The following JMJD1C variants were observed in gnomAD, a reference collection of about 807,000 sequenced individuals.
The protein encoded by JMJD1C is jumonji domain-containing protein 1C.
A neutral mutation model predicts 245.3 loss-of-function variants in JMJD1C; 31 were observed. The ratio of observed to expected loss-of-function variants is 0.13; its 90% CI spans 0.09 to 0.17. The LOEUF (loss-of-function observed/expected upper bound fraction) is 0.17. JMJD1C is among the 10% of genes least tolerant of loss of function. The pLI is 1.00. For synonymous variants in JMJD1C, 1,057 were observed against 1,017.4 expected, an observed-to-expected ratio of 1.04 and a Z score of -0.74; for missense variants, 2,691 against 3,000.2, an observed-to-expected ratio of 0.90 and a Z score of 2.41.
chr10:63,242,075 T>C (rs1292889265), intron 3 of JMJD1C, among the ~76,000 whole-genome samples: 2 of 152,142 alleles, frequency 1.3e-5, no homozygotes, highest in Non-Finnish European at 2.9e-5. Context: ...AGTAAAGTAG[T>C]GATAATTTGG....
intron 3 of JMJD1C, chr10:63,222,115 T>C: frequency 1.5e-6 from 1 of 647,638 alleles, no homozygotes; most frequent in Admixed American, 2.2e-5. Context: ...AAAACTTCCT[T>C]ACATAGCACT....
chr10:63,342,653 G>GTGAACACATTA (rs1339682002), intron 2 of JMJD1C, among the ~76,000 whole-genome samples: 20 of 152,316 alleles, frequency 1.3e-4, no homozygotes, highest in African/African-American at 4.8e-4. Context: ...ATTAGTTACA[G>GTGAACACATTA]TGAACACATT....
At chr10:63,283,822 T>C (rs73292316) in intron 2 of JMJD1C, among the ~76,000 whole-genome samples, 2,822 of 152,082 alleles carry the variant, frequency 0.019, 92 homozygotes, top group African/African-American at 0.065. Context: ...ACTTAAAAAG[T>C]TACATAATTC....
At chr10:63,434,491 T>C (rs1041462856) in intron 1 of JMJD1C, among the ~76,000 whole-genome samples, 2 of 152,032 alleles carry the variant, frequency 1.3e-5, no homozygotes, top group South Asian at 2.1e-4. Flanking sequence ...AGGCTAAGAC[T>C]CTGGAGTTCT....
At chr10:63,357,781 CAGAT>C (rs1159099523) in intron 2 of JMJD1C, among the ~76,000 whole-genome samples, 2 of 151,316 alleles carry the variant, frequency 1.3e-5, no homozygotes, top group Admixed American at 6.6e-5. Context: ...TCTCCCAACA[CAGAT>C]AGGATGCTGT....
chr10:63,320,073 T>C lies in JMJD1C; in HGVS notation c.334-55309A>G, dbSNP rs537550884. On this transcript the variant is annotated intron_variant, in intron 2 of 25. Coordinates refer to ENST00000399262, the MANE Select transcript of JMJD1C (RefSeq NM_032776.3). ...TAGCCACCATGCCTGACTCAACTAA[T>C]TGTTATATTTTTAGTAGAGATGGTG... 3.9e-5 allele frequency among the ~76,000 whole-genome samples: 6 copies of C among 152,256 alleles called. No homozygotes were observed. The South Asian group carries it at 1.0e-3, about 26-fold the overall frequency.
At chr10:63,446,703 A>G (rs1271391179) in intron 1 of JMJD1C, among the ~76,000 whole-genome samples, 1 of 152,222 alleles carries the variant, frequency 6.6e-6, no homozygotes, top group African/African-American at 2.4e-5. Context: ...ACCATATTAA[A>G]TGCTGCTGAT....
rs560943041 is a variant in JMJD1C, at chr10:63,355,811, G to A, written c.333+24507C>T. Reference sequence around the variant, plus strand: ...GATCATATACAATAATGAGATGGGCGCCCAGTGAGAAAGCAAGCAGGTCCA... The same window carrying A: ...GATCATATACAATAATGAGATGGGCACCCAGTGAGAAAGCAAGCAGGTCCA... On this transcript the variant is annotated intron_variant, in intron 2 of 25. Coordinates refer to ENST00000399262, the MANE Select transcript of JMJD1C (RefSeq NM_032776.3). Among the ~76,000 whole-genome samples, 139 of 151,752 alleles carry A rather than the reference G, an allele frequency of 9.2e-4. 1 individual carries two copies. The highest frequency in any genetic ancestry group is 1.4e-3 in the Non-Finnish European group (95 of 67,956).
chr10:63,418,793 T>C (rs1012127025), intron 1 of JMJD1C, among the ~76,000 whole-genome samples: 2 of 152,024 alleles, frequency 1.3e-5, no homozygotes, highest in Non-Finnish European at 2.9e-5. Flanking sequence ...AAAATCTAGA[T>C]AAGGGGCCTG....
chr10:63,437,877 G>C (rs1951145809), intron 1 of JMJD1C, among the ~76,000 whole-genome samples: 1 of 152,128 alleles, frequency 6.6e-6, no homozygotes, highest in Admixed American at 6.5e-5. Context: ...TTTCCACTAA[G>C]CTTTCTGAAC....
At chr10:63,516,189 G>C (rs1406627671) in intron 1 of JMJD1C, among the ~76,000 whole-genome samples, 2 of 142,730 alleles carry the variant, frequency 1.4e-5, no homozygotes, top group Non-Finnish European at 3.0e-5. Flanking sequence ...CTTTATCTTA[G>C]ACTAAATATC....
intron 2 of JMJD1C, among the ~76,000 whole-genome samples, chr10:63,280,583 A>G (rs1014697638): frequency 2.0e-5 from 3 of 152,120 alleles, no homozygotes; most frequent in African/African-American, 4.8e-5. Context: ...AAATTTGTCA[A>G]GTCGTCACTA....
intron 2 of JMJD1C, chr10:63,269,201 G>A: frequency 3.0e-6 from 3 of 985,410 alleles, no homozygotes; most frequent in Non-Finnish European, 3.6e-6. Context: ...TTCCAACAGT[G>A]CAGACACCCA....
chr10:63,340,199 A>T (rs1012040463), intron 2 of JMJD1C, among the ~76,000 whole-genome samples: 4 of 152,350 alleles, frequency 2.6e-5, no homozygotes, highest in South Asian at 2.1e-4. Context: ...GACAAAATGC[A>T]GGCATACAAA....
chr10:63,463,166 A>AT (rs1167248367), intron 1 of JMJD1C, among the ~76,000 whole-genome samples: 1 of 151,834 alleles, frequency 6.6e-6, no homozygotes, highest in African/African-American at 2.4e-5. Flanking sequence ...CTTTTTACAT[A>AT]TTTATTTATT....
Position 63,305,459 on chromosome 10 carries a change from C to CCTCTCTCTCTCTCTCTCTCT in JMJD1C, c.334-40715_334-40696dup, listed in dbSNP as rs371564275. Among the ~76,000 whole-genome samples the CCTCTCTCTCTCTCTCTCTCT allele has an allele frequency of 2.5e-4, 28 of 113,018 alleles. 1 individual carries two copies. The highest frequency in any genetic ancestry group is 8.5e-4 in the African/African-American group (25 of 29,432). The allele number at this position is 113,018 out of a possible 152,430, so 74.1% of individuals were successfully genotyped here. Reference sequence around the variant, plus strand: ...GGATGACATGGCAAGACGCTCTGACCCTCTCTCTCTCTCTCTCTCTCTCTC... The same window carrying CCTCTCTCTCTCTCTCTCTCT: ...GGATGACATGGCAAGACGCTCTGACCCTCTCTCTCTCTCTCTCTCTCTCTCTCTCTCTCTCTCTCTCTCTC... On this transcript the variant is annotated intron_variant, in intron 2 of 25. Transcript: ENST00000399262.
At chr10:63,210,976 T>C (rs1847251247) in intron 8 of JMJD1C, among the ~76,000 whole-genome samples, 1 of 152,208 alleles carries the variant, frequency 6.6e-6, no homozygotes, top group African/African-American at 2.4e-5. Context: ...CAACCTCAAA[T>C]GTGGTGATGC....
intron 2 of JMJD1C, among the ~76,000 whole-genome samples, chr10:63,319,106 A>G (rs1292755469): frequency 6.6e-6 from 1 of 151,896 alleles, no homozygotes; most frequent in Non-Finnish European, 1.5e-5. Context: ...TAAAAATACA[A>G]AAAATTAGCC....
intron 2 of JMJD1C, among the ~76,000 whole-genome samples, chr10:63,289,189 C>A (rs1858349521): frequency 6.6e-6 from 1 of 152,046 alleles, no homozygotes; most frequent in African/African-American, 2.4e-5. Flanking sequence ...TAGTAAAGAT[C>A]ACCTCAGCTA....
Sources: allele counts gnomAD v4.1 joint callset (sites outside exome capture counted in the v4.1 genomes callset), GRCh38; gene constraint gnomAD v4.1.1; transcripts MANE v1.5; gene names NCBI Gene and HGNC (gene_info 2026-07-23, HGNC 2026-07-21).